Variants in CRY1 observed in about 807,000 individuals in gnomAD.
CRY1 encodes the protein cryptochrome-1.
CRY1 carries 45 observed loss-of-function variants against 76.0 expected under a neutral mutation model. The ratio of observed to expected loss-of-function variants is 0.59; its 90% CI spans 0.47 to 0.76. The LOEUF is 0.76. Ranked by LOEUF, CRY1 falls within the 30% of genes least tolerant of loss-of-function variation. CRY1 has a pLI of 0.00. For missense variants in CRY1, 587 were observed against 716.4 expected, an observed-to-expected ratio of 0.82 and a Z score of 2.06; for synonymous variants, 248 against 244.0, an observed-to-expected ratio of 1.02 and a Z score of -0.15.
intron 1 of CRY1, among the ~76,000 whole-genome samples, chr12:107,082,280 T>TAGAC (rs375327180): frequency 6.6e-6 from 1 of 151,320 alleles, no homozygotes; most frequent in Non-Finnish European, 1.5e-5. Context: ...CTGTCAATAT[T>TAGAC]AGATCAATGA....
chr12:107,010,274 C>T (rs1952428667), intron 2 of CRY1, among the ~76,000 whole-genome samples: 1 of 151,762 alleles, frequency 6.6e-6, no homozygotes, highest in Admixed American at 6.6e-5. Flanking sequence ...TCTTTTTTGT[C>T]CGAATCAGTA....
At chr12:107,045,298 G>C (rs981812598) in intron 1 of CRY1, among the ~76,000 whole-genome samples, 1 of 152,218 alleles carries the variant, frequency 6.6e-6, no homozygotes, top group Non-Finnish European at 1.5e-5. Context: ...AAACAAGGGA[G>C]AAATAAAATC....
At chr12:107,006,637 T>C (rs953841523) in intron 2 of CRY1, among the ~76,000 whole-genome samples, 24 of 75,584 alleles carry the variant, frequency 3.2e-4, no homozygotes, top group African/African-American at 1.6e-3. Context: ...GTATTAGTAA[T>C]CTTTTTTTTT....
chr12:107,085,463 CT>C (rs1475074882), intron 1 of CRY1, among the ~76,000 whole-genome samples: 1 of 152,172 alleles, frequency 6.6e-6, no homozygotes, highest in Non-Finnish European at 1.5e-5. Context: ...CACATATACA[CT>C]GTGGAATATG....
intron 1 of CRY1, among the ~76,000 whole-genome samples, chr12:107,032,513 C>CA (rs1033703972): frequency 5.3e-5 from 8 of 151,824 alleles, no homozygotes; most frequent in African/African-American, 1.9e-4. Context: ...GTTACAGACA[C>CA]ACACACACAC....
At chr12:107,074,568 A>G (rs1345253109) in intron 1 of CRY1, among the ~76,000 whole-genome samples, 1 of 152,220 alleles carries the variant, frequency 6.6e-6, no homozygotes, top group African/African-American at 2.4e-5. Flanking sequence ...ACCCAAACCA[A>G]ATAAAAATAT....
rs76263923 is a variant in CRY1, at chr12:107,015,598, G to A, written c.267+6486C>T. ...AGCAGGTTTTTATTTTAAGCAACACGTAGTTACCTTTGAATTTCAATACCT... is the reference window on the plus strand; with the variant it reads ...AGCAGGTTTTTATTTTAAGCAACACATAGTTACCTTTGAATTTCAATACCT... On this transcript the variant is annotated intron_variant, in intron 2 of 12. Coordinates refer to ENST00000008527, the MANE Select transcript of CRY1 (RefSeq NM_004075.5). Among the ~76,000 whole-genome samples the A allele has an allele frequency of 9.2e-4, 140 of 152,268 alleles. 1 individual carries two copies. In the East Asian group the frequency reaches 0.024, roughly 26 times the overall value.
chr12:107,045,205 G>C (rs1282069614), intron 1 of CRY1, among the ~76,000 whole-genome samples: 3 of 151,812 alleles, frequency 2.0e-5, no homozygotes, highest in African/African-American at 7.3e-5. Flanking sequence ...CAGGCCAGGA[G>C]AAAATGGGAT....
At position 107,034,038 on chromosome 12, in the gene CRY1, G is replaced by A. The variant is rs144407889; in HGVS notation, c.159-11846C>T. The stretch of plus-strand genomic sequence containing the variant: ...GAGCAGTACTTCCAGGAAGTTAGGC[G>A]TTCTTAGTCACAGGGTGAGACAGGA... On this transcript the variant is annotated intron_variant, in intron 1 of 12. Transcript: ENST00000008527. Among the ~76,000 whole-genome samples the A allele has an allele frequency of 1.1e-3, 160 of 151,684 alleles. 1 individual carries two copies. Among genetic ancestry groups the A allele is most frequent in the African/African-American group, 3.6e-3 (149 of 41,284 alleles).
At chr12:107,077,306 G>C (rs2136897295) in intron 1 of CRY1, among the ~76,000 whole-genome samples, 1 of 152,110 alleles carries the variant, frequency 6.6e-6, no homozygotes, top group Middle Eastern at 3.4e-3. Context: ...TGTTCTAATT[G>C]TCCTTTAGTG....
At chr12:107,017,955 T>C (rs1166068537) in intron 2 of CRY1, among the ~76,000 whole-genome samples, 1 of 152,212 alleles carries the variant, frequency 6.6e-6, no homozygotes, top group Non-Finnish European at 1.5e-5. Context: ...TGACATTGCA[T>C]GTTTACTTAT....
At chr12:107,005,081 C>T (rs756937641) in intron 3 of CRY1, 25 bp downstream of exon 3, 99 of 1,575,502 alleles carry the variant, frequency 6.3e-5, no homozygotes, top group Non-Finnish European at 8.1e-5. Flanking sequence ...CATTTTCCCA[C>T]AGTAAAAAAA....
At position 107,060,858 on chromosome 12, in the gene CRY1, G is replaced by T. The variant is rs531654147; in HGVS notation, c.158+31946C>A. Among the ~76,000 whole-genome samples the T allele has an allele frequency of 3.5e-3, 527 of 152,150 alleles. 1 individual carries two copies. The highest frequency in any genetic ancestry group is 0.01 in the Middle Eastern group (3 of 294). On this transcript the variant is annotated intron_variant, in intron 1 of 12. Coordinates refer to ENST00000008527, the MANE Select transcript of CRY1 (RefSeq NM_004075.5). Reference sequence around the variant, plus strand: ...CCAGGTGTGGTGGCGGGCACCTGTAGTCCCAGCTACTCGGGAGGGTGAGGC... The same window carrying T: ...CCAGGTGTGGTGGCGGGCACCTGTATTCCCAGCTACTCGGGAGGGTGAGGC...
chr12:107,031,197 G>A (rs1176731536), intron 1 of CRY1, among the ~76,000 whole-genome samples: 1 of 152,122 alleles, frequency 6.6e-6, no homozygotes, highest in Non-Finnish European at 1.5e-5. Flanking sequence ...GTCACAGGGA[G>A]CTAAAGTCAG....
chr12:107,072,176 C>A (rs959232009), intron 1 of CRY1, among the ~76,000 whole-genome samples: 1 of 106,990 alleles, frequency 9.3e-6, no homozygotes, highest in Non-Finnish European at 2.2e-5. Context: ...TCTACAACCA[C>A]CTTTCTATGC....
chr12:107,086,310 T>C (rs1953400506), intron 1 of CRY1, among the ~76,000 whole-genome samples: 3 of 152,228 alleles, frequency 2.0e-5, no homozygotes, highest in Middle Eastern at 3.4e-3. Context: ...AACCATGTGG[T>C]AGAGGGAAGT....
intron 2 of CRY1, among the ~76,000 whole-genome samples, chr12:107,010,614 CTCTTT>C (rs1952433863): frequency 6.6e-6 from 1 of 151,980 alleles, no homozygotes; most frequent in Non-Finnish European, 1.5e-5. Context: ...GTGATCTCTT[CTCTTT>C]TTTTTTAAGA....
rs185207074 is a variant in CRY1, at chr12:107,075,994, G to A, written c.158+16810C>T. 5.7e-4 allele frequency among the ~76,000 whole-genome samples: 87 copies of A among 152,192 alleles called. No individual in the cohort carries two copies. The East Asian group carries it at 0.014, about 24-fold the overall frequency. On this transcript the variant is annotated intron_variant, in intron 1 of 12. Transcript: ENST00000008527. ...ATATAGAGAAGCCATGGGAGGTAGA[G>A]GAGATGGAGACAAAATCAGCTTAAG...
Position 107,093,108 on chromosome 12 carries a change from G to A in CRY1, c.-147C>T, listed in dbSNP as rs1484414703. The A allele has an allele frequency of 1.1e-6, 1 of 948,252 alleles. No individual in the cohort carries two copies. Among genetic ancestry groups the A allele is most frequent in the Non-Finnish European group, 1.5e-6 (1 of 672,760 alleles). 58.7% of individuals were successfully genotyped at this position (948,252 alleles called of 1,614,324 possible). A position where few individuals can be genotyped will look rare whatever the true frequency, so the allele number is the denominator to read the frequency against. On this transcript the variant is annotated 5_prime_UTR_variant, in exon 1 of 13. Coordinates refer to ENST00000008527, the MANE Select transcript of CRY1 (RefSeq NM_004075.5). ...GGGAACAGGAAAAAATGACTCCGAG[G>A]AGGGGACCGGAGAAGGCGGGGGCGC...
Sources: gnomAD v4.1 joint callset for allele counts (sites outside exome capture counted in the v4.1 genomes callset) on GRCh38, gnomAD v4.1.1 for gene constraint, MANE v1.5 for transcripts, NCBI Gene and HGNC (gene_info 2026-07-23, HGNC 2026-07-21) for gene names.